CPVL: variants seen among roughly 807,000 people sequenced by gnomAD.
CPVL encodes carboxypeptidase vitellogenic like.
A neutral mutation model predicts 63.7 loss-of-function variants in CPVL; 51 were observed. The ratio of observed to expected loss-of-function variants is 0.80; its 90% CI spans 0.64 to 1.01. The LOEUF is 1.01. Ranked by LOEUF, CPVL falls within the 50% of genes least tolerant of loss-of-function variation. CPVL has a pLI of 0.00. For synonymous variants in CPVL, 195 were observed against 206.0 expected, an observed-to-expected ratio of 0.95 and a Z score of 0.46; for missense variants, 530 against 573.1, an observed-to-expected ratio of 0.92 and a Z score of 0.77.
chr7:29,157,252 C>T (rs1370587035), intron 5 of CPVL, among the ~76,000 whole-genome samples: 2 of 152,116 alleles, frequency 1.3e-5, no homozygotes. Context: ...TGAGATGCGA[C>T]CCCTCCCCCA....
chr7:29,146,558 G>A (rs2687633), upstream of CPVL: 17,639 of 1,532,406 alleles, frequency 0.012, 555 homozygotes, highest in African/African-American at 0.096. Context: ...CAGAACTCGA[G>A]CCTTTAAGCG....
intron 9 of CPVL, among the ~76,000 whole-genome samples, chr7:29,067,482 C>T (rs534445912): frequency 1.3e-5 from 2 of 152,228 alleles, no homozygotes; most frequent in Admixed American, 1.3e-4. Flanking sequence ...GCAAGGAAGA[C>T]ACCTACTCCA....
chr7:29,195,143 C>G (rs1783513179), exon 1 of CPVL: 2 of 721,484 alleles, frequency 2.8e-6, no homozygotes, highest in South Asian at 4.7e-5. Flanking sequence ...GTTTGGTTCG[C>G]CAGCACCTCG....
At chr7:29,166,966 T>C (rs549917958) in intron 5 of CPVL, among the ~76,000 whole-genome samples, 1 of 152,310 alleles carries the variant, frequency 6.6e-6, no homozygotes, top group South Asian at 2.1e-4. Context: ...TTCTCCACAA[T>C]ATAAGATATA....
chr7:29,065,201 TACTA>T (rs1287181088), intron 10 of CPVL, among the ~76,000 whole-genome samples: 3 of 152,246 alleles, frequency 2.0e-5, no homozygotes, highest in African/African-American at 7.2e-5. Flanking sequence ...CAACAATTTT[TACTA>T]ACTGTGAATA....
chr7:29,064,291 T>A, intron 10 of CPVL, 57 bp from the exon 11 acceptor site: 2 of 1,117,500 alleles, frequency 1.8e-6, no homozygotes, highest in Non-Finnish European at 2.6e-6. Context: ...AGGAACAGTA[T>A]GTTGGGAAAA....
intron 6 of CPVL, among the ~76,000 whole-genome samples, chr7:29,087,245 G>A (rs190423219): frequency 0.013 from 2,002 of 152,104 alleles, 23 homozygotes; most frequent in Admixed American, 0.023. Context: ...CCAACATAGT[G>A]AAACCCCATC....
intron 1 of CPVL, chr7:29,125,117 T>C (rs1302778685): frequency 1.3e-5 from 2 of 152,192 alleles, no homozygotes; most frequent in South Asian, 4.1e-4. Flanking sequence ...ATATTTATTA[T>C]CATATCTGAA....
intron 6 of CPVL, among the ~76,000 whole-genome samples, chr7:29,090,648 G>A (rs1785678934): frequency 6.6e-6 from 1 of 152,168 alleles, no homozygotes; most frequent in South Asian, 2.1e-4. Context: ...GGCAGAAGGA[G>A]ATTGGCACCA....
intron 5 of CPVL, among the ~76,000 whole-genome samples, chr7:29,178,805 C>A (rs1797703349): frequency 6.6e-6 from 1 of 152,076 alleles, no homozygotes; most frequent in African/African-American, 2.4e-5. Context: ...TGACTTAAAT[C>A]CCTATGATAT....
intron 6 of CPVL, among the ~76,000 whole-genome samples, chr7:29,092,214 C>T (rs1584237788): frequency 6.9e-6 from 1 of 145,520 alleles, no homozygotes. Flanking sequence ...ACAAAACTTT[C>T]ATAAGAAGAA....
intron 11 of CPVL, among the ~76,000 whole-genome samples, chr7:29,062,333 G>A (rs762712205): frequency 6.6e-6 from 1 of 152,112 alleles, no homozygotes; most frequent in Non-Finnish European, 1.5e-5. Flanking sequence ...AAACAGCAGT[G>A]CCTTCTGGAG....
chr7:29,098,443 C>T (rs1786684502), intron 3 of CPVL, among the ~76,000 whole-genome samples: 3 of 152,236 alleles, frequency 2.0e-5, no homozygotes, highest in African/African-American at 7.2e-5. Context: ...GGCGCCACCT[C>T]TCGGGCTCAT....
chr7:29,092,316 G>A (rs900216198), intron 6 of CPVL, among the ~76,000 whole-genome samples: 3 of 151,672 alleles, frequency 2.0e-5, no homozygotes, highest in East Asian at 1.9e-4. Context: ...CAAAAGCCAC[G>A]AAAAGAAGAA....
intron 7 of CPVL, among the ~76,000 whole-genome samples, chr7:29,083,362 C>T (rs1299660884): frequency 1.3e-5 from 2 of 152,218 alleles, no homozygotes; most frequent in African/African-American, 2.4e-5. Flanking sequence ...GAGGGCCCCC[C>T]ATCCTGGTCC....
At chr7:29,098,335 T>C (rs746353633) in intron 3 of CPVL, among the ~76,000 whole-genome samples, 1 of 152,062 alleles carries the variant, frequency 6.6e-6, no homozygotes, top group Admixed American at 6.6e-5. Context: ...AAGAGCCTGA[T>C]AGAGTCCTTC....
At chr7:29,177,057 T>C (rs538245051) in intron 5 of CPVL, among the ~76,000 whole-genome samples, 1 of 152,138 alleles carries the variant, frequency 6.6e-6, no homozygotes, top group East Asian at 1.9e-4. Context: ...AAGAGGCAAA[T>C]ATAAAATAGT....
In CPVL at chr7:29,146,505, T is replaced by A; in HGVS notation, c.-87A>T. The A allele has an allele frequency of 6.8e-7, 1 of 1,464,304 alleles. No individual in the cohort carries two copies. The highest frequency in any genetic ancestry group is 9.0e-7 in the Non-Finnish European group (1 of 1,109,414). 90.7% of individuals were successfully genotyped at this position (1,464,304 alleles called of 1,614,324 possible). A position where few individuals can be genotyped will look rare whatever the true frequency, so the allele number is the denominator to read the frequency against. On this transcript the variant is annotated 5_prime_UTR_variant, in exon 1 of 13. Transcript: ENST00000265394. ...GGTTGTCCTTGCAGCGCTTCCCAAATCAGGCAGAAGTGAGGCAGCCCCACC... is the reference window on the plus strand; with the variant it reads ...GGTTGTCCTTGCAGCGCTTCCCAAAACAGGCAGAAGTGAGGCAGCCCCACC...
At chr7:29,149,372 G>A, upstream of CPVL, among the ~76,000 whole-genome samples, 1 of 151,576 alleles carries the variant, frequency 6.6e-6, no homozygotes, top group East Asian at 1.9e-4. Flanking sequence ...TTTTGTATTT[G>A]TAGTAGACAC....
Sources: gnomAD v4.1 joint callset for allele counts (sites outside exome capture counted in the v4.1 genomes callset) on GRCh38, gnomAD v4.1.1 for gene constraint, MANE v1.5 for transcripts, NCBI Gene and HGNC (gene_info 2026-07-23, HGNC 2026-07-21) for gene names.